C12orf42: variants seen among roughly 807,000 people sequenced by gnomAD.
C12orf42 encodes the protein chromosome 12 open reading frame 42.
Under a neutral mutation model 21.6 loss-of-function variants are expected in C12orf42, and 25 were observed. That is an observed-to-expected ratio of 1.16 (90% CI 0.84 to 1.62). C12orf42 has a LOEUF of 1.62. Ranked by LOEUF, C12orf42 falls within the 40% of genes most tolerant of loss-of-function variation. The pLI, the probability that C12orf42 is intolerant of heterozygous loss-of-function variation, is 0.00. For synonymous variants in C12orf42, 174 were observed against 175.0 expected (o/e 0.99, Z 0.05); for missense variants, 483 against 459.3 (o/e 1.05, Z -0.47).
the C12orf42 span, among the ~76,000 whole-genome samples, chr12:103,501,122 G>T: frequency 3.3e-5 from 5 of 152,342 alleles, no homozygotes; most frequent in East Asian, 9.6e-4. Flanking sequence ...TCACAAGATT[G>T]TGAGACGGCA....
At chr12:103,425,917 C>T (rs1949771741) in intron 2 of C12orf42, among the ~76,000 whole-genome samples, 1 of 150,722 alleles carries the variant, frequency 6.6e-6, no homozygotes, top group Admixed American at 6.6e-5. Context: ...GGAAATCCAC[C>T]AACTCAAAAA....
At chr12:103,520,527 C>CAACAAA in the C12orf42 span, among the ~76,000 whole-genome samples, 18 of 147,138 alleles carry the variant, frequency 1.2e-4, no homozygotes, top group Admixed American at 1.2e-3. Flanking sequence ...CTGCCCCTAA[C>CAACAAA]AACAACAACA....
Position 103,375,688 on chromosome 12 carries a change from T to C in C12orf42, c.148-6690A>G, listed in dbSNP as rs141708911. 8.0e-4 allele frequency among the ~76,000 whole-genome samples: 122 copies of C among 152,322 alleles called. 2 individuals are homozygous for C. The East Asian group carries it at 0.023, about 28-fold the overall frequency. On this transcript the variant is annotated intron_variant, in intron 3 of 5. Transcript: ENST00000548883. ...CTATTACCCCATTATATTTTATAAT[T>C]AATAACATAGTTATAAAGAAAAAAG...
At chr12:103,360,634 C>G (rs2044011177) in intron 4 of C12orf42, among the ~76,000 whole-genome samples, 1 of 152,054 alleles carries the variant, frequency 6.6e-6, no homozygotes, top group African/African-American at 2.4e-5. Context: ...ATTATTTTCT[C>G]TGTTCCTCCA....
chr12:103,205,275 C>T, the C12orf42 span, among the ~76,000 whole-genome samples: 17 of 152,250 alleles, frequency 1.1e-4, no homozygotes, highest in Admixed American at 3.3e-4. Context: ...CATACCCAAA[C>T]CTGGGAAATT....
chr12:103,507,449 G>A, the C12orf42 span, among the ~76,000 whole-genome samples: 1 of 144,260 alleles, frequency 6.9e-6, no homozygotes, highest in African/African-American at 2.6e-5. Context: ...GCAGGAGGAT[G>A]GCTTGAGGCT....
chr12:103,387,245 T>A lies in C12orf42; in HGVS notation c.147+14362A>T, dbSNP rs140283917. On this transcript the variant is annotated intron_variant, in intron 3 of 5. Coordinates refer to ENST00000548883, the MANE Select transcript of C12orf42 (RefSeq NM_198521.5). ...TGCTATTGCCTCAAGATCTTTGCACTTGCTGTTCCCTCTCCCTGGACACAC... is the reference window on the plus strand; with the variant it reads ...TGCTATTGCCTCAAGATCTTTGCACATGCTGTTCCCTCTCCCTGGACACAC... Among the ~76,000 whole-genome samples the A allele has an allele frequency of 1.5e-3, 228 of 152,322 alleles. 2 individuals are homozygous for A. The highest frequency in any genetic ancestry group is 5.2e-3 in the African/African-American group (216 of 41,576).
chr12:103,194,260 A>T, the C12orf42 span, among the ~76,000 whole-genome samples: 1 of 152,160 alleles, frequency 6.6e-6, no homozygotes, highest in Admixed American at 6.5e-5. Context: ...TAAGATCAAA[A>T]CAAGGCAAAG....
chr12:103,139,558 A>G, the C12orf42 span, among the ~76,000 whole-genome samples: 1 of 152,166 alleles, frequency 6.6e-6, no homozygotes, highest in African/African-American at 2.4e-5. Context: ...AGTAAAAGCA[A>G]AAAGACCAAA....
intron 2 of C12orf42, among the ~76,000 whole-genome samples, chr12:103,460,282 AAGAG>A (rs10535662): frequency 2.8e-5 from 4 of 143,202 alleles, no homozygotes; most frequent in East Asian, 2.1e-4. Context: ...AAAAAAAAAA[AAGAG>A]AGAGAGAGAG....
intron 2 of C12orf42, among the ~76,000 whole-genome samples, chr12:103,456,437 A>C (rs1592893583): frequency 6.6e-6 from 1 of 152,268 alleles, no homozygotes; most frequent in Admixed American, 6.6e-5. Context: ...TTGACATAAG[A>C]CATTTTCTGG....
rs188996259 is a variant in C12orf42, at chr12:103,332,812, C to T, written c.260-26467G>A. Among the ~76,000 whole-genome samples, 13 of 152,336 alleles carry T rather than the reference C, an allele frequency of 8.5e-5. No individual in the cohort carries two copies. In the East Asian group the frequency reaches 2.5e-3, roughly 29 times the overall value. ...TAATCTATAGCCCATGGACCAAATC[C>T]AGTCCACCAATGTCCTGCAAATCCT... On this transcript the variant is annotated intron_variant, in intron 4 of 5. Transcript: ENST00000548883.
the C12orf42 span, among the ~76,000 whole-genome samples, chr12:103,215,593 A>C: frequency 9.2e-5 from 14 of 152,328 alleles, no homozygotes; most frequent in Admixed American, 8.5e-4. Flanking sequence ...TACAAAAGGC[A>C]GTAATCCTGG....
chr12:103,262,461 C>T (rs981015207), intron 10 of C12orf42: 1 of 152,190 alleles, frequency 6.6e-6, no homozygotes, highest in Non-Finnish European at 1.5e-5. Flanking sequence ...TGCAACAGTG[C>T]ATTCCAACCT....
the C12orf42 span, among the ~76,000 whole-genome samples, chr12:103,224,828 AG>A: frequency 1.1e-3 from 171 of 152,334 alleles, no homozygotes; most frequent in African/African-American, 3.8e-3. Flanking sequence ...GAAAGGCTAC[AG>A]GGTGCAGTCC....
chr12:103,485,489 T>TTTTTTCCAA (rs1347681724), intron 1 of C12orf42, among the ~76,000 whole-genome samples: 1 of 152,244 alleles, frequency 6.6e-6, no homozygotes, highest in African/African-American at 2.4e-5. Flanking sequence ...TTTAAAGTAG[T>TTTTTTCCAA]TTTTTCCAAT....
the C12orf42 span, among the ~76,000 whole-genome samples, chr12:103,218,198 T>C: frequency 6.6e-6 from 1 of 151,510 alleles, no homozygotes; most frequent in Non-Finnish European, 1.5e-5. Flanking sequence ...GAGAATCACT[T>C]GAACCTGGGA....
At chr12:103,266,938 T>C (rs1357235893), downstream of C12orf42, among the ~76,000 whole-genome samples, 1 of 152,162 alleles carries the variant, frequency 6.6e-6, no homozygotes, top group Non-Finnish European at 1.5e-5. Flanking sequence ...GCAGGCATTT[T>C]GCTTTAAAAC....
At chr12:103,226,198 G>A in the C12orf42 span, among the ~76,000 whole-genome samples, 12 of 152,314 alleles carry the variant, frequency 7.9e-5, no homozygotes, top group South Asian at 2.1e-4. Context: ...CGGTTCAGGC[G>A]TTTGGAAGTT....
Sources: gnomAD v4.1 joint callset for allele counts (sites outside exome capture counted in the v4.1 genomes callset) on GRCh38, gnomAD v4.1.1 for gene constraint, MANE v1.5 for transcripts, NCBI Gene and HGNC (gene_info 2026-07-23, HGNC 2026-07-21) for gene names.